APBA1: variants seen among roughly 807,000 people sequenced by gnomAD.
APBA1 encodes amyloid beta precursor protein binding family A member 1.
A neutral mutation model predicts 86.6 loss-of-function variants in APBA1; 55 were observed. That is an observed-to-expected ratio of 0.64 (90% CI 0.51 to 0.80). APBA1 has a LOEUF of 0.80. APBA1 is among the 30% of genes least tolerant of loss of function. The pLI, the probability that APBA1 is intolerant of heterozygous loss-of-function variation, is 0.00. For synonymous variants in APBA1, 511 were observed against 493.9 expected (o/e 1.03, Z -0.46); for missense variants, 1,090 against 1,183.0 (o/e 0.92, Z 1.15).
At chr9:69,496,588 T>A (rs1835802442) in intron 2 of APBA1, among the ~76,000 whole-genome samples, 1 of 152,028 alleles carries the variant, frequency 6.6e-6, no homozygotes, top group African/African-American at 2.4e-5. Context: ...GGCAGTCCGA[T>A]TGCACCTACT....
chr9:69,570,268 C>T (rs1054803791), intron 1 of APBA1, among the ~76,000 whole-genome samples: 11 of 152,186 alleles, frequency 7.2e-5, no homozygotes, highest in Non-Finnish European at 1.5e-4. Context: ...ACACAACCTC[C>T]AGTGGCTGAG....
At chr9:69,647,451 C>A (rs1209352591) in intron 1 of APBA1, among the ~76,000 whole-genome samples, 1 of 152,148 alleles carries the variant, frequency 6.6e-6, no homozygotes, top group Non-Finnish European at 1.5e-5. Context: ...CAGCATTTTG[C>A]AAAGTAGCTG....
intron 2 of APBA1, among the ~76,000 whole-genome samples, chr9:69,514,851 G>A (rs540723249): frequency 5.1e-4 from 78 of 152,260 alleles, no homozygotes; most frequent in Admixed American, 2.4e-3. Context: ...AGGTTACGGT[G>A]AGCGGAGATT....
chr9:69,447,045 G>A (rs896337106), intron 10 of APBA1, among the ~76,000 whole-genome samples: 4 of 152,148 alleles, frequency 2.6e-5, no homozygotes, highest in African/African-American at 7.2e-5. Context: ...GTCAGGTTCT[G>A]GCAAGAGCCC....
At chr9:69,432,173 C>T (rs1036335546) in intron 12 of APBA1, among the ~76,000 whole-genome samples, 1 of 152,218 alleles carries the variant, frequency 6.6e-6, no homozygotes, top group Non-Finnish European at 1.5e-5. Flanking sequence ...GTTGATTCAA[C>T]TTGAGTCTAA....
In APBA1 at chr9:69,620,702, A is replaced by T. The variant is rs151275342; in HGVS notation, c.-70+51451T>A. ...AAAAAAAACAAAACAAAACTGAGAGACAGAGTGCCACCTCTTCCTTCTACA... is the reference window on the plus strand; with the variant it reads ...AAAAAAAACAAAACAAAACTGAGAGTCAGAGTGCCACCTCTTCCTTCTACA... On this transcript the variant is annotated intron_variant, in intron 1 of 12. Coordinates refer to ENST00000265381, the MANE Select transcript of APBA1 (RefSeq NM_001163.4). Among the ~76,000 whole-genome samples the T allele has an allele frequency of 7.2e-4, 109 of 152,228 alleles. No homozygotes were observed. The East Asian group carries it at 0.021, about 29-fold the overall frequency.
intron 3 of APBA1, among the ~76,000 whole-genome samples, chr9:69,473,798 C>T (rs972962615): frequency 4.6e-5 from 7 of 152,084 alleles, no homozygotes; most frequent in African/African-American, 1.7e-4. Context: ...CACTTATTCT[C>T]TATGCATGAG....
At chr9:69,538,554 C>T (rs1320360852) in intron 1 of APBA1, among the ~76,000 whole-genome samples, 1 of 152,208 alleles carries the variant, frequency 6.6e-6, no homozygotes, top group African/African-American at 2.4e-5. Context: ...AACTTCCTTT[C>T]CTATAGCCTA....
rs553959857 is a variant in APBA1 at position 69,450,070 on chromosome 9, T to G, written c.1969-274A>C. Among the ~76,000 whole-genome samples the G allele has an allele frequency of 3.2e-4, 48 of 150,150 alleles. 1 individual carries two copies. In the South Asian group the frequency reaches 8.5e-3, roughly 27 times the overall value. The stretch of plus-strand genomic sequence containing the variant: ...GAGGACCACCAGTTTTTTTTTTTTT[T>G]TTTTTTTTTTTTAATTTCTTCAGTC... On this transcript the variant is annotated intron_variant, in intron 9 of 12. Coordinates refer to ENST00000265381, the MANE Select transcript of APBA1 (RefSeq NM_001163.4).
intron 1 of APBA1, among the ~76,000 whole-genome samples, chr9:69,584,257 G>A (rs1821974653): frequency 6.6e-6 from 1 of 152,106 alleles, no homozygotes; most frequent in Admixed American, 6.5e-5. Flanking sequence ...TTATCATACT[G>A]TCTCCTCTAT....
chr9:69,464,496 G>A (rs988674308), intron 5 of APBA1: 1 of 152,154 alleles, frequency 6.6e-6, no homozygotes, highest in East Asian at 1.9e-4. Flanking sequence ...GGTCTAAAAT[G>A]TATTTATAAT....
At position 69,569,778 on chromosome 9, in the gene APBA1, C is replaced by T. The variant is rs1837086250; in HGVS notation, c.-69-52499G>A. ...GCTTAAAATGGAAAAAAATTTCTTG[C>T]CTTCTTCTGCAATAATACTGATTCA... On this transcript the variant is annotated intron_variant, in intron 1 of 12. Coordinates refer to ENST00000265381, the MANE Select transcript of APBA1 (RefSeq NM_001163.4). Among the ~76,000 whole-genome samples the T allele has an allele frequency of 2.0e-5, 3 of 152,150 alleles. No homozygotes were observed. In the South Asian group the frequency reaches 6.2e-4, roughly 32 times the overall value.
At chr9:69,585,738 T>A (rs1822005838) in intron 1 of APBA1, among the ~76,000 whole-genome samples, 1 of 152,168 alleles carries the variant, frequency 6.6e-6, no homozygotes, top group Non-Finnish European at 1.5e-5. Flanking sequence ...AAGACTTATA[T>A]CCTAAGCAGT....
At chr9:69,439,644 A>T (rs924430395) in intron 11 of APBA1, among the ~76,000 whole-genome samples, 4 of 152,118 alleles carry the variant, frequency 2.6e-5, no homozygotes, top group African/African-American at 9.7e-5. Context: ...CAGGTCCTTT[A>T]AGGACTTCTC....
chr9:69,634,737 A>G (rs1419856179), intron 1 of APBA1, among the ~76,000 whole-genome samples: 2 of 152,224 alleles, frequency 1.3e-5, no homozygotes, highest in African/African-American at 4.8e-5. Flanking sequence ...GATAAAAGAA[A>G]CAAACAACAT....
intron 10 of APBA1, 47 bp from the exon 11 acceptor site, chr9:69,441,162 A>G: frequency 6.3e-7 from 1 of 1,576,426 alleles, no homozygotes. Flanking sequence ...ACTGAGGCAG[A>G]CAGAATAAAC....
At chr9:69,581,711 A>G (rs956934390) in intron 1 of APBA1, among the ~76,000 whole-genome samples, 1 of 152,096 alleles carries the variant, frequency 6.6e-6, no homozygotes, top group Non-Finnish European at 1.5e-5. Context: ...GGGAAGGACT[A>G]TTGCACTGAG....
chr9:69,651,179 G>A (rs935929344), intron 1 of APBA1, among the ~76,000 whole-genome samples: 5 of 152,246 alleles, frequency 3.3e-5, no homozygotes, highest in African/African-American at 1.2e-4. Flanking sequence ...ATGTATATAT[G>A]GTTCTCTTTA....
intron 8 of APBA1, among the ~76,000 whole-genome samples, chr9:69,454,042 T>C (rs1287875122): frequency 1.3e-5 from 2 of 152,252 alleles, no homozygotes; most frequent in Non-Finnish European, 2.9e-5. Flanking sequence ...GAAATTCTGA[T>C]GGGCAGAAAA....
Sources: gnomAD v4.1 joint callset for allele counts (sites outside exome capture counted in the v4.1 genomes callset) on GRCh38, gnomAD v4.1.1 for gene constraint, MANE v1.5 for transcripts, NCBI Gene and HGNC (gene_info 2026-07-23, HGNC 2026-07-21) for gene names.